Variants in GPHN observed in about 807,000 individuals in gnomAD.
The protein encoded by GPHN is gephyrin.
GPHN carries 17 observed loss-of-function variants against 95.5 expected under a neutral mutation model. That is an observed-to-expected ratio of 0.18 (90% confidence interval 0.12 to 0.27). GPHN has a LOEUF of 0.27. Among genes scored for constraint, GPHN ranks in the 10% least tolerant of loss-of-function variants. The probability of loss-of-function intolerance (pLI) is 1.00; values close to 1 mark genes in which losing one functional copy is unlikely to be tolerated. For missense variants in GPHN, 660 were observed against 978.1 expected, an observed-to-expected ratio of 0.67 and a Z score of 4.34; for synonymous variants, 320 against 322.5, an observed-to-expected ratio of 0.99 and a Z score of 0.08.
At chr14:67,325,863 C>T in the GPHN span, among the ~76,000 whole-genome samples, 1 of 151,260 alleles carries the variant, frequency 6.6e-6, no homozygotes, top group Non-Finnish European at 1.5e-5. Flanking sequence ...GGCTGGAATG[C>T]AGTGGCGTAA....
intron 8 of GPHN, among the ~76,000 whole-genome samples, chr14:66,949,407 T>A (rs928092516): frequency 6.6e-6 from 1 of 152,160 alleles, no homozygotes; most frequent in Admixed American, 6.5e-5. Flanking sequence ...CTGTAATCAA[T>A]CATTATTGTT....
At chr14:67,060,113 T>TA (rs1252908050) in intron 11 of GPHN, among the ~76,000 whole-genome samples, 4 of 152,032 alleles carry the variant, frequency 2.6e-5, no homozygotes, top group Non-Finnish European at 5.9e-5. Flanking sequence ...TTTTTCTTTT[T>TA]TATAATTTCA....
chr14:67,394,573 G>A, the GPHN span, among the ~76,000 whole-genome samples: 2 of 151,978 alleles, frequency 1.3e-5, no homozygotes, highest in African/African-American at 2.4e-5. Context: ...CATAGGAGGT[G>A]TACAGTCAAG....
intron 11 of GPHN, among the ~76,000 whole-genome samples, chr14:67,062,110 T>C (rs1182403737): frequency 6.6e-6 from 1 of 152,158 alleles, no homozygotes. Flanking sequence ...GTTCTGTAAG[T>C]GTGAATCACT....
intron 9 of GPHN, among the ~76,000 whole-genome samples, chr14:66,973,175 A>G (rs80293958): frequency 0.012 from 1,829 of 152,252 alleles, 18 homozygotes; most frequent in Non-Finnish European, 0.018. Flanking sequence ...GCAGTATTAT[A>G]GTGGTATACT....
chr14:67,490,789 T>C, the GPHN span, among the ~76,000 whole-genome samples: 1 of 152,178 alleles, frequency 6.6e-6, no homozygotes, highest in East Asian at 1.9e-4. Context: ...CCCACTCTCC[T>C]TTTCCTTAAC....
intron 3 of GPHN, among the ~76,000 whole-genome samples, chr14:66,776,884 T>C (rs1270192212): frequency 0.012 from 1 of 86 alleles, no homozygotes. Context: ...AATATCAGTC[T>C]TTTTTTTAAA....
chr14:66,601,565 T>C (rs951660795), intron 1 of GPHN, among the ~76,000 whole-genome samples: 2 of 152,002 alleles, frequency 1.3e-5, no homozygotes, highest in Non-Finnish European at 2.9e-5. Context: ...TAAAAATTTA[T>C]TCTGCCTTTG....
intron 2 of GPHN, among the ~76,000 whole-genome samples, chr14:66,760,184 TTCTA>T (rs2058708827): frequency 6.6e-6 from 1 of 152,330 alleles, no homozygotes; most frequent in East Asian, 1.9e-4. Flanking sequence ...TTTGTTAACT[TTCTA>T]TCTAGCACAT....
intron 9 of GPHN, among the ~76,000 whole-genome samples, chr14:66,988,708 A>G (rs1327421231): frequency 6.6e-6 from 1 of 152,056 alleles, no homozygotes; most frequent in African/African-American, 2.4e-5. Context: ...TACATTCATC[A>G]TATAGTCAGA....
chr14:66,643,752 GTT>G (rs778465330), intron 1 of GPHN, among the ~76,000 whole-genome samples: 8 of 139,188 alleles, frequency 5.7e-5, no homozygotes, highest in South Asian at 2.3e-4. Flanking sequence ...TATGAGGGGA[GTT>G]TTTTTTTTTT....
chr14:67,267,541 G>C, the GPHN span, among the ~76,000 whole-genome samples: 1 of 152,140 alleles, frequency 6.6e-6, no homozygotes, highest in African/African-American at 2.4e-5. Flanking sequence ...ATGAGCCACT[G>C]CACCCAGCAA....
chr14:67,211,213 G>A, the GPHN span, among the ~76,000 whole-genome samples: 1 of 152,014 alleles, frequency 6.6e-6, no homozygotes, highest in East Asian at 1.9e-4. Context: ...CCAGGCTCAT[G>A]GTAACTGTTC....
chr14:66,756,384 T>C (rs2058555379), intron 2 of GPHN, among the ~76,000 whole-genome samples: 1 of 151,990 alleles, frequency 6.6e-6, no homozygotes, highest in Non-Finnish European at 1.5e-5. Context: ...TATCCACAGG[T>C]TTCTTATCTA....
chr14:67,611,683 C>G, the GPHN span, among the ~76,000 whole-genome samples: 1 of 152,152 alleles, frequency 6.6e-6, no homozygotes, highest in African/African-American at 2.4e-5. Flanking sequence ...TATCTCTGGC[C>G]AACAATAGAG....
chr14:66,976,923 G>GGT (rs1199582761), intron 9 of GPHN, among the ~76,000 whole-genome samples: 5 of 135,786 alleles, frequency 3.7e-5, no homozygotes, highest in African/African-American at 1.3e-4. Flanking sequence ...TGTGGGGGGG[G>GGT]GGGGAGTACA....
At chr14:66,681,723 T>A (rs1418191176) in intron 2 of GPHN, among the ~76,000 whole-genome samples, 1 of 152,192 alleles carries the variant, frequency 6.6e-6, no homozygotes, top group Non-Finnish European at 1.5e-5. Context: ...TGGCATATCT[T>A]TCTAATACAT....
Position 66,508,306 on chromosome 14 carries a change from C to T in GPHN, c.-222C>T, listed in dbSNP as rs1344707482. 1.1e-4 allele frequency: 66 copies of T among 597,768 alleles called. 4 individuals are homozygous for T. The South Asian group carries it at 1.2e-3, about 11-fold the overall frequency. 37.0% of individuals were successfully genotyped at this position (597,768 alleles called of 1,614,324 possible). On this transcript the variant is annotated 5_prime_UTR_variant, in exon 1 of 23. Transcript: ENST00000478722. ...TTCTTGCCGGACTTGGGGCCGCGCG[C>T]CCTGACTCCTTCCCCTCCCGCGGAC...
chr14:67,587,061 G>C, the GPHN span: 9 of 1,578,808 alleles, frequency 5.7e-6, no homozygotes, highest in Non-Finnish European at 7.8e-6. Context: ...TCACATCTCT[G>C]ACCTCCTCTT....
Sources: allele counts gnomAD v4.1 joint callset (sites outside exome capture counted in the v4.1 genomes callset), GRCh38; gene constraint gnomAD v4.1.1; transcripts MANE v1.5; gene names NCBI Gene and HGNC (gene_info 2026-07-23, HGNC 2026-07-21).